The following ARHGAP26 variants were observed in gnomAD, a reference collection of about 807,000 sequenced individuals.
ARHGAP26 encodes the protein Rho GTPase activating protein 26.
A neutral mutation model predicts 104.8 loss-of-function variants in ARHGAP26; 38 were observed. That is an observed-to-expected ratio of 0.36 (90% CI 0.28 to 0.48). The LOEUF (loss-of-function observed/expected upper bound fraction) is 0.48. ARHGAP26 is among the 20% of genes least tolerant of loss of function. The pLI is 0.99. For synonymous variants in ARHGAP26, 341 were observed against 340.0 expected, an observed-to-expected ratio of 1.00 and a Z score of -0.03; for missense variants, 704 against 947.9, an observed-to-expected ratio of 0.74 and a Z score of 3.38.
intron 1 of ARHGAP26, among the ~76,000 whole-genome samples, chr5:142,827,935 T>A (rs1767616747): frequency 6.6e-6 from 1 of 152,232 alleles, no homozygotes; most frequent in African/African-American, 2.4e-5. Context: ...ATACTGTTGT[T>A]TATGCTGTAG....
intron 22 of ARHGAP26, among the ~76,000 whole-genome samples, chr5:143,220,859 A>G (rs1210860069): frequency 1.3e-5 from 2 of 152,126 alleles, no homozygotes; most frequent in Non-Finnish European, 2.9e-5. Flanking sequence ...GCTGCCTCCC[A>G]TTTGTCTCCT....
chr5:142,836,442 C>T (rs1262921677), intron 1 of ARHGAP26, among the ~76,000 whole-genome samples: 1 of 150,224 alleles, frequency 6.7e-6, no homozygotes, highest in Non-Finnish European at 1.5e-5. Flanking sequence ...TTTACCTGGG[C>T]TAATTAGACC....
chr5:142,868,447 G>A (rs1488573716), intron 1 of ARHGAP26, among the ~76,000 whole-genome samples: 5 of 152,204 alleles, frequency 3.3e-5, no homozygotes, highest in African/African-American at 7.2e-5. Context: ...CTGATTTGAC[G>A]GACAAAAGTG....
At chr5:143,160,459 G>A (rs1375219214) in intron 20 of ARHGAP26, among the ~76,000 whole-genome samples, 2 of 146,312 alleles carry the variant, frequency 1.4e-5, no homozygotes, top group Admixed American at 1.4e-4. Flanking sequence ...TTACCAAGAA[G>A]TTGTTGCTTT....
At chr5:142,785,152 G>A (rs933690615) in intron 1 of ARHGAP26, among the ~76,000 whole-genome samples, 5 of 151,952 alleles carry the variant, frequency 3.3e-5, no homozygotes, top group African/African-American at 7.3e-5. Flanking sequence ...GGATGGTGTC[G>A]ATCTCCTGAT....
intron 22 of ARHGAP26, among the ~76,000 whole-genome samples, chr5:143,215,917 T>C (rs1207478853): frequency 1.3e-5 from 2 of 152,156 alleles, no homozygotes; most frequent in African/African-American, 2.4e-5. Context: ...GCTGTGAACA[T>C]GTGTGTAGGT....
At chr5:142,970,190 A>G (rs1028077096) in intron 11 of ARHGAP26, among the ~76,000 whole-genome samples, 6 of 152,170 alleles carry the variant, frequency 3.9e-5, no homozygotes, top group African/African-American at 1.4e-4. Context: ...GCACTCGTGA[A>G]CCAGGCCTTC....
At position 143,044,192 on chromosome 5, in the gene ARHGAP26, GA is replaced by G. The variant is rs113453963; in HGVS notation, c.1285+2311del. On this transcript the variant is annotated intron_variant, in intron 14 of 22. Transcript: ENST00000645722. ...AAGACAATTCAGAATAGTTTACAAG[GA>G]AAAAAAAAGCATCTATTTGCTCATA... Among the ~76,000 whole-genome samples, 1,185 of 150,730 alleles carry G rather than the reference GA, an allele frequency of 7.9e-3. 15 individuals are homozygous for G. The highest frequency in any genetic ancestry group is 0.028 in the African/African-American group (1,144 of 41,134).
intron 5 of ARHGAP26, among the ~76,000 whole-genome samples, chr5:142,892,990 T>TC (rs1758905903): frequency 4.5e-5 from 1 of 22,456 alleles, no homozygotes; most frequent in African/African-American, 1.6e-4. Context: ...ACCCCCCCGC[T>TC]TTTTTTTTTT....
Position 143,225,580 on chromosome 5 carries a change from G to T in ARHGAP26, c.*3134G>T. ...GAAGGCCAAGATCCTTGCTTTGGGG[G>T]TGCCTCACGAAGCATCCCTGTAGAC... On this transcript the variant is annotated 3_prime_UTR_variant, in exon 23 of 23. Coordinates refer to ENST00000645722, the MANE Select transcript of ARHGAP26 (RefSeq NM_001135608.3). The T allele has an allele frequency of 4.7e-6, 1 of 213,940 alleles. No homozygotes were observed. The highest frequency in any genetic ancestry group is 9.5e-6 in the Non-Finnish European group (1 of 105,542). 13.3% of individuals were successfully genotyped at this position (213,940 alleles called of 1,614,324 possible). A position where few individuals can be genotyped will look rare whatever the true frequency, so the allele number is the denominator to read the frequency against.
At chr5:142,994,629 C>A (rs1481664223) in intron 11 of ARHGAP26, among the ~76,000 whole-genome samples, 1 of 152,142 alleles carries the variant, frequency 6.6e-6, no homozygotes, top group Non-Finnish European at 1.5e-5. Flanking sequence ...GAAGCAGAAT[C>A]CAGTTATTGT....
chr5:142,963,090 C>T (rs910602412), intron 11 of ARHGAP26, among the ~76,000 whole-genome samples: 3 of 150,368 alleles, frequency 2.0e-5, no homozygotes, highest in Admixed American at 1.3e-4. Flanking sequence ...CTAAGGATAA[C>T]GACCTCCAGC....
chr5:143,077,280 GTT>G (rs1789175437), intron 17 of ARHGAP26, among the ~76,000 whole-genome samples: 1 of 152,166 alleles, frequency 6.6e-6, no homozygotes, highest in Admixed American at 6.5e-5. Flanking sequence ...GTGGAATTGT[GTT>G]CCAGGCCAAG....
chr5:143,006,031 G>A (rs1777904706), intron 11 of ARHGAP26, among the ~76,000 whole-genome samples: 1 of 152,208 alleles, frequency 6.6e-6, no homozygotes, highest in Non-Finnish European at 1.5e-5. Context: ...GTTGTCACCT[G>A]GTGGATGTAG....
intron 1 of ARHGAP26, among the ~76,000 whole-genome samples, chr5:142,851,514 A>G (rs1751518894): frequency 6.6e-6 from 1 of 152,220 alleles, no homozygotes; most frequent in South Asian, 2.1e-4. Flanking sequence ...CAGTTGTTTT[A>G]TTATGAACAG....
intron 19 of ARHGAP26, among the ~76,000 whole-genome samples, chr5:143,135,293 GGTT>G (rs1797785427): frequency 6.6e-6 from 1 of 152,158 alleles, no homozygotes; most frequent in Non-Finnish European, 1.5e-5. Context: ...TATTTCATGG[GGTT>G]GTTCTGAGGA....
intron 5 of ARHGAP26, among the ~76,000 whole-genome samples, chr5:142,893,392 A>G (rs1758993699): frequency 6.6e-6 from 1 of 152,130 alleles, no homozygotes; most frequent in South Asian, 2.1e-4. Flanking sequence ...CTGTGCCTTC[A>G]CTTGACATAA....
At chr5:143,061,247 G>A (rs910663578) in intron 17 of ARHGAP26, among the ~76,000 whole-genome samples, 6 of 152,152 alleles carry the variant, frequency 3.9e-5, no homozygotes, top group Admixed American at 1.3e-4. Context: ...AGCAGGACAC[G>A]AGAAAAGTAT....
At chr5:143,133,516 A>C (rs1322181377) in intron 18 of ARHGAP26, among the ~76,000 whole-genome samples, 1 of 152,240 alleles carries the variant, frequency 6.6e-6, no homozygotes, top group East Asian at 1.9e-4. Context: ...TTATTTAAAT[A>C]CATGTTTCAC....
Sources: gnomAD v4.1 joint callset for allele counts (sites outside exome capture counted in the v4.1 genomes callset) on GRCh38, gnomAD v4.1.1 for gene constraint, MANE v1.5 for transcripts, NCBI Gene and HGNC (gene_info 2026-07-23, HGNC 2026-07-21) for gene names.